RALGPS1: variants seen among roughly 807,000 people sequenced by gnomAD.
RALGPS1 encodes the protein ras-specific guanine nucleotide-releasing factor RalGPS1.
In RALGPS1, 19 loss-of-function variants were observed where a neutral mutation model predicts 78.8. That is an observed-to-expected ratio of 0.24 (90% CI 0.17 to 0.35). RALGPS1 has a LOEUF of 0.35. RALGPS1 is among the 10% of genes least tolerant of loss of function. The pLI, the probability that RALGPS1 is intolerant of heterozygous loss-of-function variation, is 1.00. For missense variants in RALGPS1, 454 were observed against 688.3 expected (o/e 0.66, Z 3.81); for synonymous variants, 228 against 256.3 (o/e 0.89, Z 1.06).
chr9:127,019,350 T>G (rs2045219469), intron 4 of RALGPS1, among the ~76,000 whole-genome samples: 1 of 152,126 alleles, frequency 6.6e-6, no homozygotes, highest in South Asian at 2.1e-4. Flanking sequence ...ATTTTTGAGA[T>G]GGAGTCTTGC....
intron 1 of RALGPS1, among the ~76,000 whole-genome samples, chr9:126,927,513 C>T (rs1400096329): frequency 1.3e-5 from 2 of 152,130 alleles, no homozygotes; most frequent in Non-Finnish European, 2.9e-5. Flanking sequence ...CTGAGCCTTC[C>T]GTGCCTCCCT....
intron 1 of RALGPS1, among the ~76,000 whole-genome samples, chr9:126,941,265 T>C (rs1457091899): frequency 6.6e-6 from 1 of 152,090 alleles, no homozygotes; most frequent in Non-Finnish European, 1.5e-5. Flanking sequence ...AGGGTGATTG[T>C]AGTCAATAAT....
intron 8 of RALGPS1, chr9:127,108,398 C>T: frequency 6.2e-7 from 1 of 1,609,196 alleles, no homozygotes; most frequent in Non-Finnish European, 8.5e-7. Context: ...CCGCCGTCCA[C>T]CTCCACCAGC....
intron 1 of RALGPS1, 27 bp downstream of exon 1, chr9:126,915,002 G>GGAGAGCGGCGGT (rs1244608417): frequency 1.3e-5 from 2 of 150,866 alleles, no homozygotes; most frequent in East Asian, 2.0e-4. Flanking sequence ...GCGGCGGCGG[G>GGAGAGCGGCGGT]GAGAGCGGCG....
rs1199873715 is a variant in RALGPS1 at position 126,958,825 on chromosome 9, TTTA to T, written c.-65-3399_-65-3397del. Reference sequence around the variant, plus strand: ...CATGTGATAAATTTATATTTAACTTTTTAAGAGAATACCAAACGATCTTTCAAA... The same window carrying T: ...CATGTGATAAATTTATATTTAACTTTAGAGAATACCAAACGATCTTTCAAA... On this transcript the variant is annotated intron_variant, in intron 1 of 18. Coordinates refer to ENST00000259351, the MANE Select transcript of RALGPS1 (RefSeq NM_014636.3). Among the ~76,000 whole-genome samples, 4 of 152,206 alleles carry T rather than the reference TTTA, an allele frequency of 2.6e-5. No homozygotes were observed. In the East Asian group the frequency reaches 7.7e-4, roughly 29 times the overall value.
intron 8 of RALGPS1, among the ~76,000 whole-genome samples, chr9:127,134,913 C>A (rs937638222): frequency 6.6e-6 from 1 of 152,220 alleles, no homozygotes; most frequent in African/African-American, 2.4e-5. Context: ...TCTCCACCCC[C>A]TCTCCGGCCC....
At chr9:127,057,166 A>G (rs926080183) in intron 7 of RALGPS1, among the ~76,000 whole-genome samples, 5 of 152,170 alleles carry the variant, frequency 3.3e-5, no homozygotes, top group African/African-American at 7.2e-5. Context: ...ATGGCTTGCT[A>G]ATGGCAAGAA....
At chr9:127,082,164 AG>A (rs1461751495) in intron 8 of RALGPS1, among the ~76,000 whole-genome samples, 1 of 152,322 alleles carries the variant, frequency 6.6e-6, no homozygotes, top group East Asian at 1.9e-4. Context: ...ATGAGGACCA[AG>A]GCTTGAACCA....
intron 1 of RALGPS1, among the ~76,000 whole-genome samples, chr9:126,956,718 A>G (rs1443057286): frequency 6.6e-6 from 1 of 152,202 alleles, no homozygotes; most frequent in Non-Finnish European, 1.5e-5. Flanking sequence ...ATGGTTTTAC[A>G]AAGCATGATA....
chr9:126,979,922 C>A (rs1426396328), intron 4 of RALGPS1, among the ~76,000 whole-genome samples: 1 of 152,138 alleles, frequency 6.6e-6, no homozygotes, highest in Non-Finnish European at 1.5e-5. Flanking sequence ...GAACTTAAAT[C>A]TCTTGATGGG....
Position 127,219,352 on chromosome 9 carries a change from C to T in RALGPS1, c.*583C>T, listed in dbSNP as rs1020145078. Reference sequence around the variant, plus strand: ...ATCACACACTTCATTCGCTTTGAGGCCCTGCTTTAACCTTAAGTTATAGCC... The same window carrying T: ...ATCACACACTTCATTCGCTTTGAGGTCCTGCTTTAACCTTAAGTTATAGCC... On this transcript the variant is annotated 3_prime_UTR_variant, in exon 19 of 19. Transcript: ENST00000259351. The surrounding 1 kb of genome is among the most constrained non-coding windows in gnomAD (Gnocchi z 5.0). 1 of 155,538 alleles carries T rather than the reference C, an allele frequency of 6.4e-6. No homozygotes were observed. The highest frequency in any genetic ancestry group is 2.4e-5 in the African/African-American group (1 of 41,470). 9.6% of individuals were successfully genotyped at this position (155,538 alleles called of 1,614,324 possible).
At chr9:127,180,893 C>T (rs2060173364) in intron 11 of RALGPS1, among the ~76,000 whole-genome samples, 1 of 152,264 alleles carries the variant, frequency 6.6e-6, no homozygotes, top group East Asian at 1.9e-4. Context: ...GCTTGAGCTA[C>T]AAGCGGGGGG....
At position 127,028,279 on chromosome 9, in the gene RALGPS1, C is replaced by G. The variant is rs2046129949; in HGVS notation, c.217-6152C>G. ...AGCCTGCCGGAGCCCCGGCTAAGGC[C>G]TGCAGCTCTGTTCTGGCTGTGGTGA... On this transcript the variant is annotated intron_variant, in intron 4 of 18. Transcript: ENST00000259351. Among the ~76,000 whole-genome samples, 4 of 152,362 alleles carry G rather than the reference C, an allele frequency of 2.6e-5. No homozygotes were observed. In the South Asian group the frequency reaches 8.3e-4, roughly 32 times the overall value.
intron 11 of RALGPS1, among the ~76,000 whole-genome samples, chr9:127,182,178 TAAAAAA>T (rs74348799): frequency 7.1e-6 from 1 of 141,480 alleles, no homozygotes; most frequent in African/African-American, 2.6e-5. Context: ...CCCATCTGTT[TAAAAAA>T]AAAAAAAAAA....
chr9:127,088,015 C>A (rs763874848), intron 8 of RALGPS1: 1 of 152,548 alleles, frequency 6.6e-6, no homozygotes, highest in African/African-American at 2.4e-5. Context: ...ACCTGGAGCC[C>A]GGAGTGTTTC....
At chr9:126,920,667 A>G (rs2034659925) in intron 1 of RALGPS1, among the ~76,000 whole-genome samples, 1 of 152,112 alleles carries the variant, frequency 6.6e-6, no homozygotes, top group African/African-American at 2.4e-5. Context: ...AATACACTTG[A>G]CTTTCTTCAG....
chr9:127,076,652 A>G (rs959602943), intron 8 of RALGPS1, among the ~76,000 whole-genome samples: 2 of 152,240 alleles, frequency 1.3e-5, no homozygotes, highest in African/African-American at 4.8e-5. Context: ...AGAAGTGATC[A>G]TTGGTCAAAA....
chr9:127,184,063 C>T (rs987961648), intron 11 of RALGPS1: 5 of 1,543,640 alleles, frequency 3.2e-6, no homozygotes, highest in Non-Finnish European at 4.4e-6. Flanking sequence ...CAGTGGCTCT[C>T]ACCTGTAATC....
At chr9:127,213,266 C>G (rs991499873) in intron 17 of RALGPS1, among the ~76,000 whole-genome samples, 4 of 152,194 alleles carry the variant, frequency 2.6e-5, no homozygotes, top group Non-Finnish European at 5.9e-5. Context: ...GTGCTGGAAT[C>G]CTTTTTGCAG....
Sources: gnomAD v4.1 joint callset for allele counts (sites outside exome capture counted in the v4.1 genomes callset) on GRCh38, gnomAD v4.1.1 for gene constraint, Gnocchi (gnomAD v3.1) non-coding constraint, MANE v1.5 for transcripts, NCBI Gene and HGNC (gene_info 2026-07-23, HGNC 2026-07-21) for gene names.